MPHOSPH9: variants seen among roughly 807,000 people sequenced by gnomAD.
The protein encoded by MPHOSPH9 is M-phase phosphoprotein 9.
Under a neutral mutation model 145.5 loss-of-function variants are expected in MPHOSPH9, and 88 were observed. The ratio of observed to expected loss-of-function variants is 0.60; its 90% CI spans 0.51 to 0.72. The LOEUF is 0.72. Among genes scored for constraint, MPHOSPH9 ranks in the 30% least tolerant of loss-of-function variants. The probability of loss-of-function intolerance (pLI) is 0.00; values close to 1 mark genes in which losing one functional copy is unlikely to be tolerated. For missense variants in MPHOSPH9, 1,238 were observed against 1,386.6 expected (o/e 0.89, Z 1.70); for synonymous variants, 435 against 486.2 (o/e 0.89, Z 1.39).
At chr12:123,229,779 A>G (rs888813127) in intron 2 of MPHOSPH9, among the ~76,000 whole-genome samples, 36 of 152,172 alleles carry the variant, frequency 2.4e-4, no homozygotes, top group Non-Finnish European at 4.6e-4. Context: ...AGAAACATGA[A>G]AAGACCAAAC....
intron 23 of MPHOSPH9, among the ~76,000 whole-genome samples, chr12:123,158,389 G>C (rs1247925988): frequency 6.6e-6 from 1 of 152,146 alleles, no homozygotes; most frequent in Non-Finnish European, 1.5e-5. Context: ...AATCACTTGT[G>C]GCCAGGAGTT....
rs369736148 is a variant in MPHOSPH9 at position 123,198,196 on chromosome 12, G to A, written c.2025+51C>T. The stretch of plus-strand genomic sequence containing the variant: ...CAAGAAACATAACTGATGTTATCAC[G>A]AAATAATTCATTTGTCTCACCAGAA... On this transcript the variant is annotated intron_variant, in intron 12 of 23. Transcript: ENST00000606320. 297 of 1,346,474 alleles carry A rather than the reference G, an allele frequency of 2.2e-4. No homozygotes were observed. In the African/African-American group the frequency reaches 3.8e-3, roughly 17 times the overall value. The allele number at this position is 1,346,474 out of a possible 1,614,324, so 83.4% of individuals were successfully genotyped here. A position where few individuals can be genotyped will look rare whatever the true frequency, so the allele number is the denominator to read the frequency against.
Position 123,167,085 on chromosome 12 carries a change from T to C in MPHOSPH9, c.2457-296A>G, listed in dbSNP as rs2044351762. On this transcript the variant is annotated intron_variant, in intron 16 of 23. Transcript: ENST00000606320. Reference sequence around the variant, plus strand: ...TCACACCCTTTACACTCTGTGCCCCTACTGTAGCTGAGGGTAAAGTGCTGA... The same window carrying C: ...TCACACCCTTTACACTCTGTGCCCCCACTGTAGCTGAGGGTAAAGTGCTGA... 1.3e-5 allele frequency among the ~76,000 whole-genome samples: 2 copies of C among 152,172 alleles called. 1 individual carries two copies. Among genetic ancestry groups the C allele is most frequent in the South Asian group, 4.1e-4 (2 of 4,830 alleles).
At chr12:123,232,393 C>T (rs1052553065) in intron 1 of MPHOSPH9, among the ~76,000 whole-genome samples, 2 of 152,044 alleles carry the variant, frequency 1.3e-5, no homozygotes, top group Non-Finnish European at 2.9e-5. Context: ...ATTTTTTTAA[C>T]TTGATACAGA....
At chr12:123,190,758 C>A (rs2045642752) in intron 13 of MPHOSPH9, among the ~76,000 whole-genome samples, 1 of 152,140 alleles carries the variant, frequency 6.6e-6, no homozygotes, top group African/African-American at 2.4e-5. Context: ...GATAACAGAG[C>A]ACATTTAACA....
At chr12:123,162,874 A>G in intron 20 of MPHOSPH9, 140 bp downstream of exon 20, 1 of 773,294 alleles carries the variant, frequency 1.3e-6, no homozygotes, top group Non-Finnish European at 1.9e-6. Context: ...TTGTAGTATG[A>G]CATTCACTTA....
intron 6 of MPHOSPH9, among the ~76,000 whole-genome samples, 157 bp downstream of exon 6, chr12:123,218,219 C>T (rs919556661): frequency 6.6e-5 from 10 of 151,564 alleles, no homozygotes; most frequent in Admixed American, 5.9e-4. Context: ...GCCATAAGAG[C>T]GAAACTCCGT....
At chr12:123,161,046 T>G (rs2044083854) in intron 22 of MPHOSPH9, 90 bp downstream of exon 22, 1 of 1,488,804 alleles carries the variant, frequency 6.7e-7, no homozygotes, top group Non-Finnish European at 9.1e-7. Context: ...TGTAATTTCC[T>G]GAGACAGGTT....
chr12:123,158,866 A>G (rs2043980893), intron 23 of MPHOSPH9, among the ~76,000 whole-genome samples: 1 of 152,054 alleles, frequency 6.6e-6, no homozygotes, highest in Admixed American at 6.6e-5. Context: ...CCTGACCTCA[A>G]GTGATCTGCC....
Position 123,202,837 on chromosome 12 carries a change from T to C in MPHOSPH9, c.1568A>G (p.Asn523Ser). The C allele has an allele frequency of 6.2e-7, 1 of 1,614,194 alleles. No individual in the cohort carries two copies. The highest frequency in any genetic ancestry group is 1.7e-5 in the Admixed American group (1 of 60,006). Reference sequence around the variant, plus strand: ...CCTACTTTCGTTTTGGAATGTCTGATTTTTCCAAGAGTCCACCGGAGAAGC... The same window carrying C: ...CCTACTTTCGTTTTGGAATGTCTGACTTTTCCAAGAGTCCACCGGAGAAGC... Reference protein sequence around the residue: ...TKASPVDSWKNQTFQNESRTS... With the variant: ...TKASPVDSWKSQTFQNESRTS... The change falls in exon 10 of 24, where the codon AAT becomes AGT. Residue 523 changes from asparagine to serine, a missense_variant. Around this residue, in one of 3 missense-constraint regions of MPHOSPH9, gnomAD observed 837 missense variants for 897.5 expected, o/e 0.93. Transcript: ENST00000606320.
chr12:123,196,304 C>T (rs1205420768), intron 12 of MPHOSPH9, among the ~76,000 whole-genome samples: 2 of 151,836 alleles, frequency 1.3e-5, no homozygotes, highest in African/African-American at 2.4e-5. Flanking sequence ...GAGCCAAGAT[C>T]GCACCATTGC....
chr12:123,160,894 G>A (rs1286174719), intron 22 of MPHOSPH9, 45 bp from the exon 23 acceptor site: 1 of 1,580,844 alleles, frequency 6.3e-7, no homozygotes, highest in South Asian at 1.1e-5. Context: ...TGGCAGGGAG[G>A]TTTATCACAC....
intron 8 of MPHOSPH9, among the ~76,000 whole-genome samples, chr12:123,204,930 C>T (rs1019156374): frequency 2.0e-5 from 3 of 152,114 alleles, no homozygotes; most frequent in East Asian, 3.9e-4. Flanking sequence ...AAATCAGGAC[C>T]TCACTACACT....
At chr12:123,227,260 T>C (rs1387573310) in intron 3 of MPHOSPH9, among the ~76,000 whole-genome samples, 1 of 152,186 alleles carries the variant, frequency 6.6e-6, no homozygotes, top group African/African-American at 2.4e-5. Flanking sequence ...GTCTAATCAG[T>C]AATATATTGT....
At chr12:123,222,591 T>C (rs2047252294) in intron 4 of MPHOSPH9, among the ~76,000 whole-genome samples, 1 of 151,942 alleles carries the variant, frequency 6.6e-6, no homozygotes, top group Non-Finnish European at 1.5e-5. Flanking sequence ...GAGGCGGAGT[T>C]TGCAGTGAGC....
downstream of MPHOSPH9, chr12:123,153,327 A>G (rs1327356398): frequency 2.0e-5 from 3 of 152,356 alleles, no homozygotes; most frequent in East Asian, 1.9e-4. Flanking sequence ...CAAACACACC[A>G]GAGGGATGCT....
At chr12:123,239,013 G>A (rs1397549780) in intron 1 of MPHOSPH9, among the ~76,000 whole-genome samples, 1 of 152,182 alleles carries the variant, frequency 6.6e-6, no homozygotes. Context: ...GCTCACACCT[G>A]TAATCCCAGC....
rs766820989 is a variant in MPHOSPH9 at position 123,221,545 on chromosome 12, C to G, written c.699G>C (p.Ala233=). The G allele has an allele frequency of 6.2e-7, 1 of 1,614,156 alleles. No homozygotes were observed. Among genetic ancestry groups the G allele is most frequent in the South Asian group, 1.1e-5 (1 of 91,090 alleles). The part of the protein sequence containing the change: ...DVPKGQYVAP[A]VPAESLVDGV... ...CATCTACAAGTGACTCAGCCGGCAC[C>G]GCAGGTGCTACATACTGTCCTTTGG... Residue 233 remains alanine (A), a synonymous_variant, in exon 5 of 24, where the codon GCG becomes GCC. Coordinates refer to ENST00000606320, the MANE Select transcript of MPHOSPH9 (RefSeq NM_022782.4).
At chr12:123,241,392 C>T (rs1181038642) in intron 1 of MPHOSPH9, among the ~76,000 whole-genome samples, 2 of 152,258 alleles carry the variant, frequency 1.3e-5, no homozygotes, top group Non-Finnish European at 2.9e-5. Context: ...GGCTGGAGCG[C>T]AATGGCGTGA....
Sources: allele counts gnomAD v4.1 joint callset (sites outside exome capture counted in the v4.1 genomes callset), GRCh38; gene constraint gnomAD v4.1.1; regional missense constraint gnomAD v4.1.1; transcripts MANE v1.5; gene names NCBI Gene and HGNC (gene_info 2026-07-23, HGNC 2026-07-21).